PIGB: variants seen among roughly 807,000 people sequenced by gnomAD.
PIGB encodes the protein GPI alpha-1,2-mannosyltransferase 3.
PIGB carries 58 observed loss-of-function variants against 68.4 expected under a neutral mutation model. The ratio of observed to expected loss-of-function variants is 0.85; its 90% CI spans 0.69 to 1.06. The LOEUF (loss-of-function observed/expected upper bound fraction) is 1.06. Among genes scored for constraint, PIGB ranks in the 50% least tolerant of loss-of-function variants. The probability of loss-of-function intolerance (pLI) is 0.00; values close to 1 mark genes in which losing one functional copy is unlikely to be tolerated. For missense variants in PIGB, 634 were observed against 655.8 expected, an observed-to-expected ratio of 0.97 and a Z score of 0.36; for synonymous variants, 219 against 220.5, an observed-to-expected ratio of 0.99 and a Z score of 0.06.
intron 10 of PIGB, among the ~76,000 whole-genome samples, chr15:55,351,131 C>T (rs1240130052): frequency 1.0e-4 from 14 of 133,642 alleles, no homozygotes; most frequent in Non-Finnish European, 9.3e-5. Context: ...TTTTTTGAGA[C>T]GGAGTCTGTT....
chr15:55,321,193 G>A, intron 2 of PIGB, 80 bp from the exon 3 acceptor site: 1 of 1,310,952 alleles, frequency 7.6e-7, no homozygotes, highest in East Asian at 2.6e-5. Flanking sequence ...GGGCAAGAGA[G>A]TGAGACCCCA....
chr15:55,334,463 C>G (rs966231459), intron 6 of PIGB, among the ~76,000 whole-genome samples: 1 of 152,020 alleles, frequency 6.6e-6, no homozygotes, highest in Non-Finnish European at 1.5e-5. Flanking sequence ...GGTTGCTATA[C>G]TGGTATTGAA....
At position 55,339,429 on chromosome 15, in the gene PIGB, C is replaced by A. The variant is rs772725890; in HGVS notation, c.846+111C>A. Reference sequence around the variant, plus strand: ...ATATGGGATACATTACAAAAGACTTCTAGGCATATCCTAATAAGCCTTTGG... The same window carrying A: ...ATATGGGATACATTACAAAAGACTTATAGGCATATCCTAATAAGCCTTTGG... On this transcript the variant is annotated intron_variant, in intron 7 of 11. Transcript: ENST00000164305. 3.2e-4 allele frequency: 214 copies of A among 673,780 alleles called. 1 individual carries two copies. The highest frequency in any genetic ancestry group is 2.4e-3 in the Middle Eastern group (6 of 2,462). 41.7% of individuals were successfully genotyped at this position (673,780 alleles called of 1,614,324 possible).
chr15:55,343,932 A>T (rs552405414), intron 9 of PIGB, among the ~76,000 whole-genome samples: 13 of 152,288 alleles, frequency 8.5e-5, no homozygotes, highest in African/African-American at 2.9e-4. Flanking sequence ...TAGTGATGTC[A>T]CCTAGACAGA....
In PIGB at chr15:55,329,868, T is replaced by C. The variant is rs369143184; in HGVS notation, c.653+14T>C. On this transcript the variant is annotated intron_variant, in intron 5 of 11. Coordinates refer to ENST00000164305, the MANE Select transcript of PIGB (RefSeq NM_004855.5). ...GTCTATGAACAGGTAAGAAAAATTA[T>C]TGTTAATAATTATGTTCAAAATTCT... 2.7e-5 allele frequency: 42 copies of C among 1,527,940 alleles called. No homozygotes were observed. The highest frequency in any genetic ancestry group is 3.7e-5 in the Non-Finnish European group (41 of 1,113,682). The allele number at this position is 1,527,940 out of a possible 1,614,324, so 94.6% of individuals were successfully genotyped here.
At chr15:55,321,973 G>A (rs973866610) in intron 3 of PIGB, among the ~76,000 whole-genome samples, 1 of 143,988 alleles carries the variant, frequency 6.9e-6, no homozygotes, top group Non-Finnish European at 1.5e-5. Context: ...TTGGGAGTTC[G>A]AGACCAGCCT....
Position 55,324,211 on chromosome 15 carries a change from A to G in PIGB, c.417+2821A>G, listed in dbSNP as rs73415545. Reference sequence around the variant, plus strand: ...AATAGTCAGAAGACAACAAAAGGGTATTTGGCTCCTGTAGCTTAGGGGAGG... The same window carrying G: ...AATAGTCAGAAGACAACAAAAGGGTGTTTGGCTCCTGTAGCTTAGGGGAGG... On this transcript the variant is annotated intron_variant, in intron 3 of 11. Coordinates refer to ENST00000164305, the MANE Select transcript of PIGB (RefSeq NM_004855.5). Among the ~76,000 whole-genome samples, 1,242 of 152,246 alleles carry G rather than the reference A, an allele frequency of 8.2e-3. 16 individuals carry two copies. Among genetic ancestry groups the G allele is most frequent in the African/African-American group, 0.029 (1,193 of 41,544 alleles).
rs537482955 is a variant in PIGB, at chr15:55,326,632, C to T, written c.418-899C>T. 2.4e-4 allele frequency among the ~76,000 whole-genome samples: 37 copies of T among 152,080 alleles called. No individual in the cohort carries two copies. In the East Asian group the frequency reaches 6.0e-3, roughly 25 times the overall value. On this transcript the variant is annotated intron_variant, in intron 3 of 11. Transcript: ENST00000164305. ...CTGTAATCCCAGCACTTTGGGAGGC[C>T]GAGGCGGGTGGATCACGAGGTCAGG...
chr15:55,321,195 G>A, intron 2 of PIGB, 78 bp from the exon 3 acceptor site: 1 of 1,318,828 alleles, frequency 7.6e-7, no homozygotes, highest in Non-Finnish European at 1.0e-6. Flanking sequence ...GCAAGAGAGT[G>A]AGACCCCATC....
At chr15:55,348,038 G>T (rs1055822927) in intron 9 of PIGB, among the ~76,000 whole-genome samples, 2 of 146,562 alleles carry the variant, frequency 1.4e-5, no homozygotes, top group African/African-American at 5.1e-5. Context: ...CACCAGGCTG[G>T]AGTGCAGTGG....
At chr15:55,334,893 T>A (rs2055499750) in intron 6 of PIGB, among the ~76,000 whole-genome samples, 3 of 152,184 alleles carry the variant, frequency 2.0e-5, no homozygotes, top group Admixed American at 6.5e-5. Flanking sequence ...CTAATTTTTT[T>A]ATTTTTAGTC....
At chr15:55,331,943 C>G (rs1264983544) in intron 5 of PIGB, among the ~76,000 whole-genome samples, 1 of 151,962 alleles carries the variant, frequency 6.6e-6, no homozygotes, top group Non-Finnish European at 1.5e-5. Context: ...CATGACAATA[C>G]CATGGTTCAA....
rs776749882 is a variant in PIGB, at chr15:55,340,786, CT to C, written c.1025del (p.Leu342TrpfsTer2). 6.2e-7 allele frequency: 1 copy of C among 1,609,834 alleles called. No individual in the cohort carries two copies. The highest frequency in any genetic ancestry group is 8.5e-7 in the Non-Finnish European group (1 of 1,177,736). ...CYLAPKRYRILLVTVLWTLLV... is the reference protein window; with the variant it reads ...CYLAPKRYRIXLVTVLWTLLV... ...TCTAGCACCAAAGAGATACCGGATA[CT>C]TTTGGTGACTGTGCTGTGGACACTG... On this transcript the variant is annotated frameshift_variant, in exon 8 of 12. Transcript: ENST00000164305. LOFTEE classifies it high-confidence loss of function.
At chr15:55,321,219 A>C (rs1033867168) in intron 2 of PIGB, 54 bp from the exon 3 acceptor site, 19 of 1,463,526 alleles carry the variant, frequency 1.3e-5, no homozygotes, top group East Asian at 2.5e-5. Context: ...AAAAAAAAAA[A>C]AACACGGAAA....
At chr15:55,333,763 A>G in intron 5 of PIGB, 104 bp from the exon 6 acceptor site, 4 of 758,172 alleles carry the variant, frequency 5.3e-6, no homozygotes, top group Non-Finnish European at 7.9e-6. Context: ...AAAAAAGTTC[A>G]TATAGCTATT....
intron 1 of PIGB, chr15:55,320,051 A>G (rs977848817): frequency 5.2e-6 from 2 of 383,186 alleles, no homozygotes; most frequent in South Asian, 7.5e-5. Flanking sequence ...TCTTTACACA[A>G]TAAGTTGCAA....
chr15:55,333,415 G>A (rs2055464031), intron 5 of PIGB, among the ~76,000 whole-genome samples: 1 of 152,016 alleles, frequency 6.6e-6, no homozygotes. Flanking sequence ...GGCCAACATG[G>A]TAAAACCCTG....
At chr15:55,340,495 G>A in intron 7 of PIGB, 117 bp from the exon 8 acceptor site, 1 of 572,690 alleles carries the variant, frequency 1.7e-6, no homozygotes, top group Non-Finnish European at 3.0e-6. Context: ...GTAAACTATT[G>A]CCTGGTTTTT....
Position 55,340,733 on chromosome 15 carries a change from A to C in PIGB, c.968A>C (p.His323Pro), listed in dbSNP as rs1483634390. Residue 323 changes from histidine to proline, a missense_variant, in exon 8 of 12, where the codon CAC becomes CCC. Transcript: ENST00000164305. ...SQGFPVILGT[H>P]LPFFIHGCYL... is the part of the protein sequence containing the mutation. The stretch of plus-strand genomic sequence containing the variant: ...GGATTTCCAGTTATCTTGGGTACTC[A>C]CTTACCCTTCTTTATTCATGGCTGC... 4.3e-6 allele frequency: 7 copies of C among 1,610,498 alleles called. No homozygotes were observed. Among genetic ancestry groups the C allele is most frequent in the Non-Finnish European group, 5.9e-6 (7 of 1,177,950 alleles).
Sources: gnomAD v4.1 joint callset for allele counts (sites outside exome capture counted in the v4.1 genomes callset) on GRCh38, gnomAD v4.1.1 for gene constraint, MANE v1.5 for transcripts, NCBI Gene and HGNC (gene_info 2026-07-23, HGNC 2026-07-21) for gene names.